The following UTY variants were observed in gnomAD, a reference collection of about 807,000 sequenced individuals.
UTY encodes the protein histone demethylase UTY.
In UTY, 12 loss-of-function variants were observed where a neutral mutation model predicts 32.5. That is an observed-to-expected ratio of 0.37 (90% CI 0.24 to 0.60). The LOEUF (loss-of-function observed/expected upper bound fraction) is 0.60. UTY is among the 20% of genes least tolerant of loss of function. UTY has a pLI of 0.69. For synonymous variants in UTY, 131 were observed against 103.4 expected (o/e 1.27, Z -1.62); for missense variants, 303 against 299.2 (o/e 1.01, Z -0.09).
intron 27 of UTY, among the ~76,000 whole-genome samples, chrY:13,286,478 G>A: frequency 3.0e-5 from 1 of 33,289 alleles, no homozygotes; most frequent in Non-Finnish European, 7.4e-5. Context: ...TTAAGGACTG[G>A]TCCTTTTCTA....
chrY:13,353,052 A>T (rs767457068), intron 17 of UTY, among the ~76,000 whole-genome samples: 6 of 34,368 alleles, frequency 1.7e-4, no homozygotes, highest in Admixed American at 1.3e-3. Context: ...AGCTAGTATC[A>T]TTGATGAAGG....
intron 18 of UTY, among the ~76,000 whole-genome samples, chrY:13,330,738 A>G: frequency 2.9e-5 from 1 of 33,951 alleles, no homozygotes; most frequent in African/African-American, 1.2e-4. Context: ...CAGCAAACTA[A>G]GATCTACTGG....
chrY:13,259,781 A>C, intron 28 of UTY, among the ~76,000 whole-genome samples: 1 of 34,464 alleles, frequency 2.9e-5, no homozygotes, highest in Non-Finnish European at 7.3e-5. Context: ...CATATTCATC[A>C]GTTAGATGTG....
chrY:13,394,916 G>A, intron 7 of UTY, among the ~76,000 whole-genome samples: 1 of 32,708 alleles, frequency 3.1e-5, no homozygotes, highest in Non-Finnish European at 7.5e-5. Flanking sequence ...CTGGAAAGCA[G>A]CCCCTTTAAT....
intron 6 of UTY, among the ~76,000 whole-genome samples, chrY:13,408,654 T>C (rs2070410513): frequency 3.1e-5 from 1 of 32,645 alleles, no homozygotes; most frequent in Non-Finnish European, 7.6e-5. Flanking sequence ...GCCAAGTACT[T>C]ACAGCAATAT....
chrY:13,406,931 TAAG>T (rs2070134075), intron 6 of UTY, among the ~76,000 whole-genome samples: 4 of 30,724 alleles, frequency 1.3e-4, no homozygotes, highest in African/African-American at 5.0e-4. Flanking sequence ...CCTCCACATG[TAAG>T]AAGTGGTAAG....
chrY:13,382,946 G>A, intron 8 of UTY, among the ~76,000 whole-genome samples: 1 of 33,517 alleles, frequency 3.0e-5, no homozygotes, highest in African/African-American at 1.2e-4. Context: ...AAAGTTTGTC[G>A]GATGGAGCAA....
At chrY:13,395,086 AAT>A (rs2067987638) in intron 7 of UTY, among the ~76,000 whole-genome samples, 1 of 33,699 alleles carries the variant, frequency 3.0e-5, no homozygotes, top group Non-Finnish European at 7.4e-5. Context: ...GCTTTATAAA[AAT>A]AGACAAATAG....
chrY:13,339,541 G>A, intron 17 of UTY, among the ~76,000 whole-genome samples: 1 of 33,817 alleles, frequency 3.0e-5, no homozygotes, highest in Non-Finnish European at 7.4e-5. Flanking sequence ...AACATCAGGA[G>A]AGGCTCCACT....
intron 8 of UTY, chrY:13,393,278 A>G (rs1039390697): frequency 5.3e-4 from 18 of 33,726 alleles, no homozygotes; most frequent in African/African-American, 2.1e-3. Context: ...TTTAAATATT[A>G]TAATAAAATC....
intron 4 of UTY, among the ~76,000 whole-genome samples, chrY:13,441,604 T>C: frequency 3.0e-5 from 1 of 33,395 alleles, no homozygotes; most frequent in Admixed American, 2.7e-4. Context: ...ACAATGAAAC[T>C]ACAGGAAAAA....
chrY:13,399,463 G>C (rs1054328115), intron 6 of UTY, among the ~76,000 whole-genome samples: 2 of 33,102 alleles, frequency 6.0e-5, no homozygotes, highest in Non-Finnish European at 1.5e-4. Flanking sequence ...TGAAAACAAA[G>C]AGTGGTAATG....
chrY:13,309,678 G>A (rs2058913977), intron 21 of UTY, among the ~76,000 whole-genome samples: 1 of 33,019 alleles, frequency 3.0e-5, no homozygotes, highest in Admixed American at 2.7e-4. Flanking sequence ...CAGCATCCAG[G>A]TAAACAACTT....
At position 13,323,726 on chromosome Y, in the gene UTY, T is replaced by G. The variant is rs1291558539; in HGVS notation, c.3105A>C (p.Glu1035Asp). The change falls in exon 21 of 30, where the codon GAA (glutamate) becomes GAC (aspartate). Residue 1035 changes from glutamate to aspartate, a missense_variant. Physicochemically the swap from Glu to Asp is conservative, Grantham distance 45. Transcript: ENST00000545955. Reference protein sequence around the residue: ...LGLFSTKTLVEANNEHMVEVR... With the variant: ...LGLFSTKTLVDANNEHMVEVR... ...CTTCTACCATATGTTCATTGTTAGCTTCTACCAAAGTTTTGGTAGAGAAAA... is the reference window on the plus strand; with the variant it reads ...CTTCTACCATATGTTCATTGTTAGCGTCTACCAAAGTTTTGGTAGAGAAAA... 2 of 398,198 alleles carry G rather than the reference T, an allele frequency of 5.0e-6. No homozygotes were observed. The highest frequency in any genetic ancestry group is 7.1e-6 in the Non-Finnish European group (2 of 282,967).
chrY:13,428,027 C>T (rs2073516816), intron 4 of UTY, among the ~76,000 whole-genome samples: 1 of 33,126 alleles, frequency 3.0e-5, no homozygotes, highest in Non-Finnish European at 7.5e-5. Context: ...AATGCCTGTT[C>T]ATACCCTTTG....
intron 27 of UTY, among the ~76,000 whole-genome samples, chrY:13,287,852 T>A: frequency 3.1e-5 from 1 of 32,678 alleles, no homozygotes; most frequent in South Asian, 7.0e-4. Flanking sequence ...GGAGAACACA[T>A]ATCTCTAGGC....
At chrY:13,252,041 G>A (rs561938053) in intron 28 of UTY, among the ~76,000 whole-genome samples, 1 of 29,425 alleles carries the variant, frequency 3.4e-5, no homozygotes, top group African/African-American at 1.3e-4. Context: ...TTAGCCGGGC[G>A]TAGTGGCGGG....
intron 27 of UTY, among the ~76,000 whole-genome samples, chrY:13,265,505 G>A: frequency 3.0e-5 from 1 of 33,434 alleles, no homozygotes; most frequent in Admixed American, 2.7e-4. Context: ...CTTTGTAGCC[G>A]TTGTGAATGG....
intron 27 of UTY, among the ~76,000 whole-genome samples, chrY:13,282,793 C>T (rs2057101896): frequency 2.9e-5 from 1 of 34,126 alleles, no homozygotes. Flanking sequence ...GGTTCCCTGA[C>T]CGGGAAACAT....
Sources: gnomAD v4.1 joint callset for allele counts (sites outside exome capture counted in the v4.1 genomes callset) on GRCh38, gnomAD v4.1.1 for gene constraint, MANE v1.5 for transcripts, NCBI Gene and HGNC (gene_info 2026-07-23, HGNC 2026-07-21) for gene names.